KCNJ6: variants seen among roughly 807,000 people sequenced by gnomAD.
The protein encoded by KCNJ6 is G protein-activated inward rectifier potassium channel 2.
Under a neutral mutation model 34.2 loss-of-function variants are expected in KCNJ6, and 9 were observed. The ratio of observed to expected loss-of-function variants is 0.26; its 90% CI spans 0.16 to 0.46. The LOEUF (loss-of-function observed/expected upper bound fraction) is 0.46. KCNJ6 is among the 20% of genes least tolerant of loss of function. The probability of loss-of-function intolerance (pLI) is 1.00; values close to 1 mark genes in which losing one functional copy is unlikely to be tolerated. For missense variants in KCNJ6, 236 were observed against 531.3 expected (o/e 0.44, Z 5.46); for synonymous variants, 196 against 207.1 (o/e 0.95, Z 0.46).
At chr21:37,699,953 T>C (rs1372775520) in intron 3 of KCNJ6, among the ~76,000 whole-genome samples, 1 of 152,196 alleles carries the variant, frequency 6.6e-6, no homozygotes, top group Admixed American at 6.5e-5. Context: ...AGAGCCCAGA[T>C]TACATAGCGT....
intron 3 of KCNJ6, among the ~76,000 whole-genome samples, chr21:37,670,620 C>A (rs1367100487): frequency 6.6e-6 from 1 of 152,104 alleles, no homozygotes; most frequent in Non-Finnish European, 1.5e-5. Context: ...CAAAAGTTAG[C>A]TGGGCATGGT....
intron 1 of KCNJ6, among the ~76,000 whole-genome samples, chr21:37,907,284 C>G (rs2055846345): frequency 6.6e-6 from 1 of 152,156 alleles, no homozygotes; most frequent in African/African-American, 2.4e-5. Flanking sequence ...CAGACCTGCT[C>G]TCATAGACAC....
chr21:37,685,289 G>C (rs1014294464), intron 3 of KCNJ6, among the ~76,000 whole-genome samples: 2 of 151,926 alleles, frequency 1.3e-5, no homozygotes, highest in African/African-American at 4.8e-5. Context: ...TCTGGAGGTA[G>C]GATTGGAAAT....
intron 2 of KCNJ6, among the ~76,000 whole-genome samples, chr21:37,747,887 C>G (rs1292478700): frequency 1.3e-5 from 2 of 152,156 alleles, no homozygotes; most frequent in Non-Finnish European, 2.9e-5. Flanking sequence ...GTTTAAGCCT[C>G]CAAGTTTATC....
chr21:37,863,557 T>C (rs1371119504), intron 1 of KCNJ6, among the ~76,000 whole-genome samples: 1 of 152,248 alleles, frequency 6.6e-6, no homozygotes, highest in Non-Finnish European at 1.5e-5. Context: ...TTTTGCTTTA[T>C]GCACAGGGTG....
At chr21:37,867,679 T>C (rs2055629859) in intron 1 of KCNJ6, among the ~76,000 whole-genome samples, 1 of 151,748 alleles carries the variant, frequency 6.6e-6, no homozygotes, top group South Asian at 2.1e-4. Flanking sequence ...TTGCAAAGAG[T>C]GATGTCAGCT....
intron 1 of KCNJ6, among the ~76,000 whole-genome samples, chr21:37,904,997 G>A (rs1474045882): frequency 6.6e-6 from 1 of 152,112 alleles, no homozygotes; most frequent in Non-Finnish European, 1.5e-5. Flanking sequence ...GCCCAGCACC[G>A]CTATTTATTC....
At chr21:37,688,018 T>TA (rs1419973981) in intron 3 of KCNJ6, among the ~76,000 whole-genome samples, 1 of 152,190 alleles carries the variant, frequency 6.6e-6, no homozygotes, top group Non-Finnish European at 1.5e-5. Context: ...AGATGGAAGG[T>TA]GTCCTTCTTA....
rs183060013 is a variant in KCNJ6, at chr21:37,703,817, C to A, written c.946+10394G>T. 6.4e-5 allele frequency among the ~76,000 whole-genome samples: 3 copies of A among 46,944 alleles called. No homozygotes were observed. In the Admixed American group the frequency reaches 8.8e-4, roughly 14 times the overall value. The allele number at this position is 46,944 out of a possible 152,430, so 30.8% of individuals were successfully genotyped here. On this transcript the variant is annotated intron_variant, in intron 3 of 3. Coordinates refer to ENST00000609713, the MANE Select transcript of KCNJ6 (RefSeq NM_002240.5). ...CCTTTCAATGTGGTAGTGGAGGACA[C>A]CTTGCCTGGCTGGCACAGGGAACTC...
intron 3 of KCNJ6, among the ~76,000 whole-genome samples, chr21:37,707,733 G>GTGTGTGTGTGTGTGTATATGTGTGCA (rs1237113944): frequency 2.7e-5 from 4 of 149,898 alleles, no homozygotes; most frequent in East Asian, 1.9e-4. Flanking sequence ...ATGTGTGTGT[G>GTGTGTGTGTGTGTGTATATGTGTGCA]TGAATAATTT....
intron 2 of KCNJ6, among the ~76,000 whole-genome samples, chr21:37,725,956 G>A (rs1398079866): frequency 2.0e-5 from 3 of 151,930 alleles, no homozygotes; most frequent in Non-Finnish European, 2.9e-5. Context: ...CCCAGGCTGG[G>A]GTGCAATGGA....
At chr21:37,853,781 G>A (rs770231558) in intron 1 of KCNJ6, among the ~76,000 whole-genome samples, 1 of 146,504 alleles carries the variant, frequency 6.8e-6, no homozygotes, top group Non-Finnish European at 1.5e-5. Context: ...AGGGAGCTAA[G>A]ATTTCTATGT....
intron 3 of KCNJ6, among the ~76,000 whole-genome samples, chr21:37,658,443 C>G (rs1462908641): frequency 1.3e-5 from 2 of 152,236 alleles, no homozygotes; most frequent in Non-Finnish European, 2.9e-5. Flanking sequence ...AAGAGCTTTT[C>G]ATTTGCTAGA....
At chr21:37,647,538 T>C (rs2054411014) in intron 3 of KCNJ6, among the ~76,000 whole-genome samples, 2 of 152,134 alleles carry the variant, frequency 1.3e-5, no homozygotes, top group Non-Finnish European at 2.9e-5. Flanking sequence ...CCAGGGTCCA[T>C]ACCCCCAATC....
At chr21:37,668,382 C>T (rs562482416) in intron 3 of KCNJ6, among the ~76,000 whole-genome samples, 2 of 152,288 alleles carry the variant, frequency 1.3e-5, no homozygotes, top group South Asian at 2.1e-4. Context: ...CCTTGGCTTA[C>T]AGATGCCCTC....
chr21:37,741,730 G>A (rs887830938), intron 2 of KCNJ6, among the ~76,000 whole-genome samples: 1 of 152,118 alleles, frequency 6.6e-6, no homozygotes, highest in Non-Finnish European at 1.5e-5. Context: ...TGGCACCAAC[G>A]CCAGCCCAGG....
intron 3 of KCNJ6, among the ~76,000 whole-genome samples, chr21:37,654,629 G>A (rs1028208726): frequency 2.6e-5 from 4 of 152,102 alleles, no homozygotes; most frequent in Admixed American, 6.5e-5. Flanking sequence ...TAATGTCTCC[G>A]TTGAGCTTCT....
chr21:37,817,948 A>G (rs535923587), intron 2 of KCNJ6, among the ~76,000 whole-genome samples: 2 of 152,354 alleles, frequency 1.3e-5, no homozygotes, highest in Non-Finnish European at 2.9e-5. Flanking sequence ...CGCACTAGAC[A>G]AACTGGATAT....
chr21:37,679,542 G>A (rs1472797356), intron 3 of KCNJ6, among the ~76,000 whole-genome samples: 5 of 152,378 alleles, frequency 3.3e-5, no homozygotes, highest in African/African-American at 1.2e-4. Flanking sequence ...TATAACTACT[G>A]TTATTGATAA....
Sources: gnomAD v4.1 joint callset for allele counts (sites outside exome capture counted in the v4.1 genomes callset) on GRCh38, gnomAD v4.1.1 for gene constraint, MANE v1.5 for transcripts, NCBI Gene and HGNC (gene_info 2026-07-23, HGNC 2026-07-21) for gene names.